Variants in PDE1C observed in about 807,000 individuals in gnomAD.
The protein encoded by PDE1C is phosphodiesterase 1C, also known as dual specificity calcium/calmodulin-dependent 3',5'-cyclic nucleotide phosphodiesterase 1C.
PDE1C carries 62 observed loss-of-function variants against 93.1 expected under a neutral mutation model. The observed-to-expected ratio is 0.67, with a 90% confidence interval of 0.54 to 0.82. The LOEUF (loss-of-function observed/expected upper bound fraction) is 0.82, where lower values mean the gene tolerates loss of function less well. Ranked by LOEUF, PDE1C falls within the 40% of genes least tolerant of loss-of-function variation. The probability of loss-of-function intolerance (pLI) is 0.00; values close to 1 mark genes in which losing one functional copy is unlikely to be tolerated. For missense variants in PDE1C, 742 were observed against 884.6 expected (o/e 0.84, Z 2.04); for synonymous variants, 325 against 310.1 (o/e 1.05, Z -0.50).
intron 16 of PDE1C, chr7:31,790,147 A>G (rs1470059130): frequency 1.9e-6 from 3 of 1,596,476 alleles, no homozygotes; most frequent in African/African-American, 2.7e-5. Flanking sequence ...TTCTCCAGAT[A>G]TGGGTCTTTG....
chr7:31,773,222 T>G (rs11980485), intron 17 of PDE1C, among the ~76,000 whole-genome samples: 70,863 of 151,908 alleles, frequency 0.47, 16,917 homozygotes, highest in African/African-American at 0.5. Flanking sequence ...GGGCAGAGGA[T>G]TGTGGTTTAC....
chr7:32,303,505 A>C (rs1812925429), upstream of PDE1C, among the ~76,000 whole-genome samples: 1 of 152,200 alleles, frequency 6.6e-6, no homozygotes, highest in Non-Finnish European at 1.5e-5. Context: ...TTCTGGATGC[A>C]GTTCCTCTTC....
intron 2 of PDE1C, among the ~76,000 whole-genome samples, chr7:31,927,458 C>G (rs1803553741): frequency 6.6e-6 from 1 of 152,194 alleles, no homozygotes; most frequent in Admixed American, 6.5e-5. Flanking sequence ...AAGGGACAGA[C>G]TGCCTCCTCA....
At chr7:32,072,890 T>C (rs1246402659), upstream of PDE1C, among the ~76,000 whole-genome samples, 2 of 152,218 alleles carry the variant, frequency 1.3e-5, no homozygotes, top group Non-Finnish European at 2.9e-5. Flanking sequence ...ATCTATAAAG[T>C]GATACATTTA....
chr7:31,705,167 A>C, the PDE1C span, among the ~76,000 whole-genome samples: 1 of 152,198 alleles, frequency 6.6e-6, no homozygotes. Context: ...GTGATGATTT[A>C]ACAGGCTTTT....
intron 2 of PDE1C, among the ~76,000 whole-genome samples, chr7:31,918,024 C>T (rs1353311497): frequency 6.6e-6 from 1 of 152,140 alleles, no homozygotes; most frequent in Non-Finnish European, 1.5e-5. Flanking sequence ...CATTCCAGTA[C>T]TAAGCCCCAG....
chr7:31,788,421 G>C (rs954774344), intron 16 of PDE1C: 1 of 152,170 alleles, frequency 6.6e-6, no homozygotes, highest in African/African-American at 2.4e-5. Context: ...TTTTGAGTTA[G>C]TTGTCAATAT....
At chr7:31,648,311 A>G in the PDE1C span, among the ~76,000 whole-genome samples, 1 of 152,080 alleles carries the variant, frequency 6.6e-6, no homozygotes, top group Non-Finnish European at 1.5e-5. Context: ...GGTTATAATC[A>G]AGCCTTTATA....
intron 3 of PDE1C, among the ~76,000 whole-genome samples, chr7:32,096,542 C>A (rs1229351767): frequency 6.6e-6 from 1 of 152,146 alleles, no homozygotes; most frequent in African/African-American, 2.4e-5. Context: ...GGGTTCAAAT[C>A]TTGGCTCTGC....
At chr7:32,392,290 T>A (rs1023833271) in intron 1 of PDE1C, among the ~76,000 whole-genome samples, 3 of 152,128 alleles carry the variant, frequency 2.0e-5, no homozygotes, top group African/African-American at 7.2e-5. Flanking sequence ...TAAATTGAAT[T>A]CATAGTAGAG....
At chr7:32,412,788 A>T (rs142581226) in intron 1 of PDE1C, among the ~76,000 whole-genome samples, 1 of 152,364 alleles carries the variant, frequency 6.6e-6, no homozygotes, top group Admixed American at 6.5e-5. Flanking sequence ...ATTGACAGGC[A>T]CATCAACAGA....
chr7:32,228,657 C>T (rs918604613), intron 1 of PDE1C, among the ~76,000 whole-genome samples: 5 of 152,176 alleles, frequency 3.3e-5, no homozygotes, highest in African/African-American at 1.2e-4. Flanking sequence ...CTTCCAACTT[C>T]CAAAGACTTC....
the PDE1C span, among the ~76,000 whole-genome samples, chr7:31,697,479 G>A: frequency 6.6e-6 from 1 of 152,126 alleles, no homozygotes; most frequent in Admixed American, 6.5e-5. Context: ...GAGACACTTG[G>A]ACTAATTGGC....
At chr7:32,118,443 G>A (rs187979343) in intron 3 of PDE1C, among the ~76,000 whole-genome samples, 16 of 152,242 alleles carry the variant, frequency 1.1e-4, no homozygotes, top group Admixed American at 4.6e-4. Flanking sequence ...GCTTAGAGCC[G>A]AGTTTGATTT....
intron 1 of PDE1C, among the ~76,000 whole-genome samples, chr7:32,066,919 A>C (rs1242850199): frequency 1.3e-5 from 2 of 152,236 alleles, no homozygotes; most frequent in Non-Finnish European, 2.9e-5. Context: ...AAGAAAGCTC[A>C]GGTGTGCAGT....
chr7:31,724,817 G>A, the PDE1C span, among the ~76,000 whole-genome samples: 1 of 152,280 alleles, frequency 6.6e-6, no homozygotes, highest in South Asian at 2.1e-4. Flanking sequence ...AGACATATAA[G>A]GTGGGCTGTG....
At chr7:31,815,837 C>T in intron 15 of PDE1C, 87 bp downstream of exon 15, 1 of 988,076 alleles carries the variant, frequency 1.0e-6, no homozygotes, top group South Asian at 1.4e-5. Context: ...TGTGAGCTGA[C>T]CCCATCAGTA....
intron 17 of PDE1C, among the ~76,000 whole-genome samples, chr7:31,759,900 T>TTCTC (rs149922505): frequency 6.6e-6 from 1 of 151,036 alleles, no homozygotes; most frequent in African/African-American, 2.4e-5. Flanking sequence ...CATTCTCTCT[T>TTCTC]TCTCTCTCTC....
intron 1 of PDE1C, among the ~76,000 whole-genome samples, chr7:32,398,679 G>A (rs1784886165): frequency 6.6e-6 from 1 of 152,036 alleles, no homozygotes. Context: ...GTGAACCACG[G>A]TGCCCGGCCA....
Sources: gnomAD v4.1 joint callset for allele counts (sites outside exome capture counted in the v4.1 genomes callset) on GRCh38, gnomAD v4.1.1 for gene constraint, MANE v1.5 for transcripts, NCBI Gene and HGNC (gene_info 2026-07-23, HGNC 2026-07-21) for gene names.